Variants in SNX9 observed in about 807,000 individuals in gnomAD.
SNX9 encodes the protein sorting nexin 9.
Under a neutral mutation model 89.4 loss-of-function variants are expected in SNX9, and 44 were observed. That is an observed-to-expected ratio of 0.49 (90% CI 0.39 to 0.63). The LOEUF (loss-of-function observed/expected upper bound fraction) is 0.63, where lower values mean the gene tolerates loss of function less well. SNX9 is among the 30% of genes least tolerant of loss of function. SNX9 has a pLI of 0.00. For synonymous variants in SNX9, 236 were observed against 247.8 expected (o/e 0.95, Z 0.45); for missense variants, 578 against 736.1 (o/e 0.79, Z 2.49).
At chr6:157,898,387 A>G (rs1783024813) in intron 5 of SNX9, among the ~76,000 whole-genome samples, 1 of 152,240 alleles carries the variant, frequency 6.6e-6, no homozygotes, top group Non-Finnish European at 1.5e-5. Context: ...CCCGTGGATC[A>G]CTGCATTTGC....
intron 1 of SNX9, chr6:157,829,541 C>T (rs1366813587): frequency 6.6e-6 from 1 of 152,178 alleles, no homozygotes; most frequent in African/African-American, 2.4e-5. Context: ...TATATCCTTA[C>T]TAATTGTGTT....
intron 1 of SNX9, among the ~76,000 whole-genome samples, chr6:157,863,065 A>C (rs1318513885): frequency 6.6e-6 from 1 of 152,246 alleles, no homozygotes; most frequent in Admixed American, 6.5e-5. Context: ...GACTTTCTCC[A>C]CACCTCAGCC....
At chr6:157,836,353 T>C (rs1781583769) in intron 1 of SNX9, among the ~76,000 whole-genome samples, 1 of 152,180 alleles carries the variant, frequency 6.6e-6, no homozygotes, top group Non-Finnish European at 1.5e-5. Context: ...TCCCCTCTTC[T>C]CTGATTCATT....
chr6:157,904,931 G>A (rs1006790819), intron 6 of SNX9, among the ~76,000 whole-genome samples: 1 of 152,238 alleles, frequency 6.6e-6, no homozygotes, highest in Non-Finnish European at 1.5e-5. Flanking sequence ...CTCTACCTGC[G>A]GCTGCAGGGA....
At chr6:157,877,787 ACT>A (rs1421428663) in intron 4 of SNX9, among the ~76,000 whole-genome samples, 7 of 151,708 alleles carry the variant, frequency 4.6e-5, no homozygotes, top group Non-Finnish European at 1.0e-4. Context: ...AGCTTGGCAC[ACT>A]CTGCCAACTT....
intron 4 of SNX9, among the ~76,000 whole-genome samples, chr6:157,889,370 G>T (rs921641349): frequency 2.0e-5 from 3 of 149,162 alleles, no homozygotes; most frequent in South Asian, 4.3e-4. Context: ...GGCAGAGGTT[G>T]CAGTGAGCCG....
chr6:157,896,201 C>T (rs1782973520), intron 4 of SNX9, among the ~76,000 whole-genome samples: 6 of 152,142 alleles, frequency 3.9e-5, no homozygotes, highest in Admixed American at 3.9e-4. Flanking sequence ...GTAGTAGTTC[C>T]TTAGAATGAC....
chr6:157,861,248 TAAAG>T (rs1782112951), intron 1 of SNX9, among the ~76,000 whole-genome samples: 1 of 152,238 alleles, frequency 6.6e-6, no homozygotes, highest in Non-Finnish European at 1.5e-5. Context: ...AATGGATTAT[TAAAG>T]AAATTGCTTC....
intron 16 of SNX9, 78 bp downstream of exon 16, chr6:157,938,825 T>C: frequency 9.5e-7 from 1 of 1,051,830 alleles, no homozygotes; most frequent in East Asian, 2.4e-5. Context: ...TAGAGAGAAA[T>C]CCAGATGTGA....
intron 1 of SNX9, among the ~76,000 whole-genome samples, chr6:157,827,240 TTATAGTTTATATAATATATAAACA>T (rs1781385540): frequency 5.1e-5 from 1 of 19,716 alleles, no homozygotes; most frequent in Non-Finnish European, 6.7e-5. Context: ...TAAACATATA[TTATAGTTTATATAATATATAAACA>T]TATATTATAG....
chr6:157,901,901 C>T lies in SNX9; in HGVS notation c.476C>T (p.Thr159Ile), dbSNP rs1483346401. ...GHPQAYQGPA[T>I]GDDDDWDEDW... ...GATCTTCCATTTTCACCTCTAGCAACTGGTGATGATGATGACTGGGATGAA... is the reference window on the plus strand; with the variant it reads ...GATCTTCCATTTTCACCTCTAGCAATTGGTGATGATGATGACTGGGATGAA... Residue 159 changes from threonine (T) to isoleucine (I), a missense_variant, in exon 6 of 18, where the codon ACT becomes ATT. Thr to Ile is a moderately conservative substitution (Grantham distance 89). This residue lies in a region of SNX9 where 230 missense variants were observed against 244.7 expected (regional missense o/e 0.94). Transcript: ENST00000392185. The T allele has an allele frequency of 1.3e-6, 2 of 1,597,480 alleles. No homozygotes were observed. The highest frequency in any genetic ancestry group is 1.7e-4 in the Middle Eastern group (1 of 6,014).
intron 1 of SNX9, among the ~76,000 whole-genome samples, chr6:157,850,726 A>T (rs1317762379): frequency 6.6e-6 from 1 of 152,118 alleles, no homozygotes; most frequent in Non-Finnish European, 1.5e-5. Flanking sequence ...TGGTGACTGT[A>T]TTTAAAATAT....
At chr6:157,937,265 A>C (rs921793238) in intron 14 of SNX9, among the ~76,000 whole-genome samples, 169 bp from the exon 15 acceptor site, 1 of 152,246 alleles carries the variant, frequency 6.6e-6, no homozygotes, top group Non-Finnish European at 1.5e-5. Flanking sequence ...GATTCAAAGT[A>C]TGGCAGTCTT....
intron 1 of SNX9, among the ~76,000 whole-genome samples, chr6:157,839,825 TC>T (rs1297712320): frequency 6.6e-6 from 1 of 152,206 alleles, no homozygotes. Flanking sequence ...CTCCACCACT[TC>T]CTTGCTGTGC....
chr6:157,900,585 T>G (rs1215059183), intron 5 of SNX9, among the ~76,000 whole-genome samples: 1 of 152,098 alleles, frequency 6.6e-6, no homozygotes, highest in African/African-American at 2.4e-5. Flanking sequence ...CATTTATTAT[T>G]AAGTTTAGTG....
intron 12 of SNX9, among the ~76,000 whole-genome samples, chr6:157,930,943 T>C (rs1191863780): frequency 6.6e-6 from 1 of 152,272 alleles, no homozygotes; most frequent in Non-Finnish European, 1.5e-5. Flanking sequence ...ATTGCATTTT[T>C]TAAGGATATC....
chr6:157,877,286 G>A (rs906127627), intron 4 of SNX9, among the ~76,000 whole-genome samples: 32 of 151,642 alleles, frequency 2.1e-4, no homozygotes, highest in Non-Finnish European at 2.9e-5. Flanking sequence ...AAAAGCGGGG[G>A]GGGCATCTAG....
intron 4 of SNX9, among the ~76,000 whole-genome samples, chr6:157,884,483 C>T (rs1782691013): frequency 6.6e-6 from 1 of 152,146 alleles, no homozygotes; most frequent in Non-Finnish European, 1.5e-5. Flanking sequence ...CTTATACCTT[C>T]ATTAACTCAC....
At chr6:157,844,379 G>A (rs1337063325) in intron 1 of SNX9, among the ~76,000 whole-genome samples, 1 of 151,884 alleles carries the variant, frequency 6.6e-6, no homozygotes, top group African/African-American at 2.4e-5. Flanking sequence ...AGTCAAAGCT[G>A]TCTTGCACTG....
Sources: allele counts gnomAD v4.1 joint callset (sites outside exome capture counted in the v4.1 genomes callset), GRCh38; gene constraint gnomAD v4.1.1; regional missense constraint gnomAD v4.1.1; transcripts MANE v1.5; gene names NCBI Gene and HGNC (gene_info 2026-07-23, HGNC 2026-07-21).